The following PDE11A variants were observed in gnomAD, a reference collection of about 807,000 sequenced individuals.
PDE11A encodes the protein dual 3',5'-cyclic-AMP and -GMP phosphodiesterase 11A.
Under a neutral mutation model 100.5 loss-of-function variants are expected in PDE11A, and 100 were observed. The ratio of observed to expected loss-of-function variants is 1.00; its 90% CI spans 0.85 to 1.18. The LOEUF (loss-of-function observed/expected upper bound fraction) is 1.18, where lower values mean the gene tolerates loss of function less well. PDE11A is among the 50% of genes most tolerant of loss of function. The pLI is 0.00. For synonymous variants in PDE11A, 381 were observed against 420.8 expected (o/e 0.91, Z 1.16); for missense variants, 1,141 against 1,152.6 (o/e 0.99, Z 0.15).
rs1001200411 is a variant in PDE11A at position 177,721,207 on chromosome 2, T to C, written c.2043+6451A>G. Among the ~76,000 whole-genome samples, 5 of 152,294 alleles carry C rather than the reference T, an allele frequency of 3.3e-5. No individual in the cohort carries two copies. In the East Asian group the frequency reaches 9.6e-4, roughly 29 times the overall value. On this transcript the variant is annotated intron_variant, in intron 12 of 19. Coordinates refer to ENST00000286063, the MANE Select transcript of PDE11A (RefSeq NM_016953.4). Reference sequence around the variant, plus strand: ...AATACCATTAATATAATGAACCCAGTGCAGTCATTGCCTAACTTCAGCAGG... The same window carrying C: ...AATACCATTAATATAATGAACCCAGCGCAGTCATTGCCTAACTTCAGCAGG...
At position 178,072,761 on chromosome 2, in the gene PDE11A, G is replaced by A; in HGVS notation, c.-324C>T. The A allele has an allele frequency of 1.5e-6, 2 of 1,291,672 alleles. No individual in the cohort carries two copies. Among genetic ancestry groups the A allele is most frequent in the Non-Finnish European group, 2.0e-6 (2 of 1,010,534 alleles). The allele number at this position is 1,291,672 out of a possible 1,614,324, so 80.0% of individuals were successfully genotyped here. ...GTTCTGGCTGCCGCCGCTGCTGCTG[G>A]AACTGCTGCTGTAACCGGATGAGTG... On this transcript the variant is annotated 5_prime_UTR_variant, in exon 1 of 20. Coordinates refer to ENST00000286063, the MANE Select transcript of PDE11A (RefSeq NM_016953.4).
At chr2:177,813,438 G>T (rs1404994108) in intron 9 of PDE11A, among the ~76,000 whole-genome samples, 1 of 152,118 alleles carries the variant, frequency 6.6e-6, no homozygotes, top group African/African-American at 2.4e-5. Context: ...ATCAGTGGCT[G>T]TTTGGGAGAA....
At chr2:177,663,452 A>T (rs2080515298) in intron 19 of PDE11A, among the ~76,000 whole-genome samples, 2 of 150,658 alleles carry the variant, frequency 1.3e-5, no homozygotes, top group Admixed American at 6.6e-5. Context: ...AAAAAAAAAA[A>T]TTTCCATGGT....
chr2:178,104,892 T>C (rs1461804057), intron 1 of PDE11A, among the ~76,000 whole-genome samples: 1 of 152,174 alleles, frequency 6.6e-6, no homozygotes, highest in Non-Finnish European at 1.5e-5. Context: ...AAAATAAGAA[T>C]AGAACAAATA....
chr2:178,051,927 C>G (rs1033027816), intron 1 of PDE11A, among the ~76,000 whole-genome samples: 7 of 152,228 alleles, frequency 4.6e-5, no homozygotes, highest in South Asian at 2.1e-4. Context: ...GACTTTAACA[C>G]CCCACTGTCA....
intron 2 of PDE11A, among the ~76,000 whole-genome samples, chr2:177,946,020 A>G (rs1461866861): frequency 2.6e-4 from 26 of 100,872 alleles, no homozygotes; most frequent in East Asian, 6.7e-4. Context: ...CAGCCCCCCC[A>G]CCCGGCCAGC....
chr2:178,102,878 T>C (rs1233280750), intron 2 of PDE11A, among the ~76,000 whole-genome samples: 2 of 152,160 alleles, frequency 1.3e-5, no homozygotes, highest in Non-Finnish European at 2.9e-5. Context: ...GAGGTCATAT[T>C]GGTGTAGGAT....
intron 1 of PDE11A, among the ~76,000 whole-genome samples, chr2:178,048,661 G>GT (rs1260840375): frequency 6.6e-6 from 1 of 152,164 alleles, no homozygotes; most frequent in Non-Finnish European, 1.5e-5. Context: ...CAAAGGGACA[G>GT]GCCCCTTGCA....
At chr2:177,853,824 A>G (rs1476131000) in intron 5 of PDE11A, among the ~76,000 whole-genome samples, 2 of 143,288 alleles carry the variant, frequency 1.4e-5, no homozygotes. Context: ...ATGTATATAT[A>G]TGTGTGTATA....
rs2079872086 is a variant in PDE11A at position 177,628,756 on chromosome 2, CAGTCT to C, written c.*646_*650del. The C allele has an allele frequency of 6.6e-6, 1 of 152,384 alleles. No individual in the cohort carries two copies. Among genetic ancestry groups the C allele is most frequent in the Admixed American group, 6.5e-5 (1 of 15,288 alleles). The allele number at this position is 152,384 out of a possible 1,614,324, so 9.4% of individuals were successfully genotyped here. The stretch of plus-strand genomic sequence containing the variant: ...ACTCTGGAAAAGGGTACCATAGTCC[CAGTCT>C]AGAATTACCCATCAAACACATTTGC... On this transcript the variant is annotated 3_prime_UTR_variant, in exon 20 of 20. Transcript: ENST00000286063.
intron 3 of PDE11A, among the ~76,000 whole-genome samples, chr2:177,901,485 T>C (rs1048949132): frequency 1.3e-5 from 2 of 152,206 alleles, no homozygotes; most frequent in Admixed American, 1.3e-4. Context: ...TCTTGAGAAA[T>C]CAGCTTTGTC....
At chr2:178,072,915 G>T (rs1031795539), upstream of PDE11A, 120 of 985,280 alleles carry the variant, frequency 1.2e-4, no homozygotes, top group Non-Finnish European at 1.4e-4. Context: ...CTGCCAGGCG[G>T]TTCCTGGAAG....
At chr2:177,881,955 T>A (rs2084350097) in intron 4 of PDE11A, among the ~76,000 whole-genome samples, 1 of 152,268 alleles carries the variant, frequency 6.6e-6, no homozygotes, top group Non-Finnish European at 1.5e-5. Flanking sequence ...TGTATTAATA[T>A]TCCCATGTAA....
chr2:177,896,557 C>T (rs1192312966), intron 4 of PDE11A, among the ~76,000 whole-genome samples: 1 of 152,110 alleles, frequency 6.6e-6, no homozygotes, highest in Non-Finnish European at 1.5e-5. Flanking sequence ...CAACAGTTGC[C>T]CCTTCCTGCC....
chr2:177,928,329 C>T (rs1420591426), intron 2 of PDE11A, among the ~76,000 whole-genome samples: 1 of 152,050 alleles, frequency 6.6e-6, no homozygotes, highest in Admixed American at 6.6e-5. Context: ...GACCCCATCT[C>T]TATAAAAAAA....
chr2:177,965,256 A>C (rs1184851120), intron 2 of PDE11A, among the ~76,000 whole-genome samples: 1 of 152,176 alleles, frequency 6.6e-6, no homozygotes, highest in African/African-American at 2.4e-5. Flanking sequence ...TTCCTTAAAG[A>C]TTCTGGATGT....
chr2:177,623,664 CA>C lies in PDE11A; in HGVS notation c.*5742del, dbSNP rs2079793745. On this transcript the variant is annotated 3_prime_UTR_variant, in exon 20 of 20. Transcript: ENST00000286063. ...TGAGATTCGAATACACACGCATATA[CA>C]CACAGAAAATGAACACAGATATAAA... 3 of 152,154 alleles carry C rather than the reference CA, an allele frequency of 2.0e-5. No homozygotes were observed. The highest frequency in any genetic ancestry group is 7.2e-5 in the African/African-American group (3 of 41,430). The allele number at this position is 152,154 out of a possible 1,614,324, so 9.4% of individuals were successfully genotyped here.
At chr2:177,887,280 C>T (rs375160048) in intron 4 of PDE11A, among the ~76,000 whole-genome samples, 1 of 152,044 alleles carries the variant, frequency 6.6e-6, no homozygotes, top group Non-Finnish European at 1.5e-5. Flanking sequence ...AATCAACAAC[C>T]TACATAATTG....
At chr2:177,954,797 G>T (rs1383219238) in intron 2 of PDE11A, among the ~76,000 whole-genome samples, 4 of 152,146 alleles carry the variant, frequency 2.6e-5, no homozygotes, top group African/African-American at 9.7e-5. Context: ...ACCCCCAGGG[G>T]ATCTGAGAAT....
Sources: gnomAD v4.1 joint callset for allele counts (sites outside exome capture counted in the v4.1 genomes callset) on GRCh38, gnomAD v4.1.1 for gene constraint, MANE v1.5 for transcripts, NCBI Gene and HGNC (gene_info 2026-07-23, HGNC 2026-07-21) for gene names.